SPTLC1: variants seen among roughly 807,000 people sequenced by gnomAD.
SPTLC1 encodes serine palmitoyltransferase long chain base subunit 1.
Under a neutral mutation model 68.9 loss-of-function variants are expected in SPTLC1, and 55 were observed. The observed-to-expected ratio is 0.80, with a 90% CI of 0.64 to 1.00. SPTLC1 has a LOEUF of 1.00. SPTLC1 is among the 50% of genes least tolerant of loss of function. The pLI, the probability that SPTLC1 is intolerant of heterozygous loss-of-function variation, is 0.00. For missense variants in SPTLC1, 449 were observed against 573.1 expected, an observed-to-expected ratio of 0.78 and a Z score of 2.21; for synonymous variants, 197 against 201.6, an observed-to-expected ratio of 0.98 and a Z score of 0.19.
At chr9:92,065,312 T>C (rs1834242259) in intron 6 of SPTLC1, among the ~76,000 whole-genome samples, 1 of 152,202 alleles carries the variant, frequency 6.6e-6, no homozygotes, top group Admixed American at 6.5e-5. Context: ...AAATGAAGCA[T>C]CACACAGTGT....
At chr9:92,106,146 C>T (rs879449550) in intron 3 of SPTLC1, among the ~76,000 whole-genome samples, 2 of 152,158 alleles carry the variant, frequency 1.3e-5, no homozygotes, top group Non-Finnish European at 2.9e-5. Context: ...AAGTGAGGAG[C>T]GTCTCTGCCC....
chr9:92,063,336 T>C (rs1259466418), intron 6 of SPTLC1, among the ~76,000 whole-genome samples: 1 of 152,142 alleles, frequency 6.6e-6, no homozygotes, highest in East Asian at 1.9e-4. Context: ...ATAATTTGAA[T>C]AGCCTGATAA....
intron 1 of SPTLC1, among the ~76,000 whole-genome samples, chr9:92,113,521 G>C (rs1836319299): frequency 6.6e-6 from 1 of 152,230 alleles, no homozygotes; most frequent in African/African-American, 2.4e-5. Flanking sequence ...CTGTTGGACA[G>C]TTTCGGGGAA....
rs1401868200 is a variant in SPTLC1 at position 92,080,921 on chromosome 9, T to C, written c.303A>G (p.Ile101Met). ...CAAGAAAATTAAATGAGGCGAAGTTTATACATTCTTTTCCATTCACCACAG... is the reference window on the plus strand; with the variant it reads ...CAAGAAAATTAAATGAGGCGAAGTTCATACATTCTTTTCCATTCACCACAG... ...HKTVVNGKEC[I>M]NFASFNFLGL... Residue 101 changes from isoleucine (I) to methionine (M), a missense_variant, in exon 4 of 15, where the codon ATA becomes ATG. Transcript: ENST00000262554. The C allele has an allele frequency of 1.2e-6, 2 of 1,614,210 alleles. No homozygotes were observed. The highest frequency in any genetic ancestry group is 8.5e-7 in the Non-Finnish European group (1 of 1,180,028).
chr9:92,083,716 C>T (rs1369269043), intron 3 of SPTLC1, among the ~76,000 whole-genome samples: 6 of 151,876 alleles, frequency 4.0e-5, no homozygotes, highest in South Asian at 2.1e-4. Flanking sequence ...ATTGACTTGG[C>T]GATGTGGGCT....
chr9:92,037,003 T>A (rs1012659731), intron 13 of SPTLC1, among the ~76,000 whole-genome samples: 1 of 152,236 alleles, frequency 6.6e-6, no homozygotes, highest in African/African-American at 2.4e-5. Flanking sequence ...CTTAGGAAGC[T>A]CAGATCCTGG....
intron 3 of SPTLC1, among the ~76,000 whole-genome samples, chr9:92,098,202 G>A (rs1234813997): frequency 2.0e-5 from 3 of 152,094 alleles, no homozygotes; most frequent in Admixed American, 6.5e-5. Context: ...CCCTGACTCA[G>A]CATTTCCGGG....
intron 6 of SPTLC1, among the ~76,000 whole-genome samples, chr9:92,060,989 CAG>C (rs1411710474): frequency 5.3e-5 from 8 of 151,010 alleles, no homozygotes; most frequent in African/African-American, 1.9e-4. Flanking sequence ...AAGAAATGAA[CAG>C]AGTCTCAGGG....
At chr9:92,079,014 C>T (rs1834780595) in intron 5 of SPTLC1, 3 of 961,782 alleles carry the variant, frequency 3.1e-6, no homozygotes, top group Non-Finnish European at 1.2e-6. Flanking sequence ...TCTACTTTCC[C>T]CACACTGTGT....
chr9:92,079,223 C>A lies in SPTLC1; in HGVS notation c.427+793G>T, dbSNP rs538233524. 8 of 424,944 alleles carry A rather than the reference C, an allele frequency of 1.9e-5. No individual in the cohort carries two copies. In the South Asian group the frequency reaches 2.5e-4, roughly 13 times the overall value. 26.3% of individuals were successfully genotyped at this position (424,944 alleles called of 1,614,324 possible). A position where few individuals can be genotyped will look rare whatever the true frequency, so the allele number is the denominator to read the frequency against. ...CCCACGTAGCTGGGATTACAGGTAT[C>A]CACCACCACGCCCAGCTAATTTTTG... On this transcript the variant is annotated intron_variant, in intron 5 of 14. Transcript: ENST00000262554.
At chr9:92,098,013 CACTGAATGTAAT>C in intron 3 of SPTLC1, among the ~76,000 whole-genome samples, 1 of 152,150 alleles carries the variant, frequency 6.6e-6, no homozygotes, top group Middle Eastern at 3.2e-3. Flanking sequence ...AGAAAAGTAA[CACTGAATGTAAT>C]CTGATTGGAC....
At chr9:92,044,956 C>T (rs949475750) in intron 12 of SPTLC1, among the ~76,000 whole-genome samples, 2 of 152,170 alleles carry the variant, frequency 1.3e-5, no homozygotes, top group African/African-American at 4.8e-5. Flanking sequence ...GAGTGAAAGG[C>T]ATGTAAGGCT....
chr9:92,078,602 G>A (rs768329287), intron 5 of SPTLC1, among the ~76,000 whole-genome samples: 2 of 152,206 alleles, frequency 1.3e-5, no homozygotes, highest in Non-Finnish European at 2.9e-5. Flanking sequence ...GGGACTACAG[G>A]TTCACGCTAG....
At chr9:92,098,929 G>T (rs1835643067) in intron 3 of SPTLC1, among the ~76,000 whole-genome samples, 2 of 152,142 alleles carry the variant, frequency 1.3e-5, no homozygotes, top group Admixed American at 1.3e-4. Flanking sequence ...ACTAACGTGT[G>T]AACATTCTGA....
At chr9:92,105,017 C>T (rs975406646) in intron 3 of SPTLC1, 6 of 1,522,154 alleles carry the variant, frequency 3.9e-6, no homozygotes, top group Non-Finnish European at 5.3e-6. Context: ...CTCCCTGTGG[C>T]CAGAGAAGGC....
intron 3 of SPTLC1, 82 bp from the exon 4 acceptor site, chr9:92,081,045 A>G: frequency 9.5e-7 from 1 of 1,049,024 alleles, no homozygotes; most frequent in East Asian, 2.4e-5. Flanking sequence ...AGGCACAACA[A>G]CATAGTGTTG....
At chr9:92,090,797 C>A (rs991048102) in intron 3 of SPTLC1, among the ~76,000 whole-genome samples, 1 of 152,072 alleles carries the variant, frequency 6.6e-6, no homozygotes, top group African/African-American at 2.4e-5. Flanking sequence ...GCTGCTCCTG[C>A]AACTAGGTGT....
At chr9:92,032,655 T>A in intron 14 of SPTLC1, 97 bp from the exon 15 acceptor site, 1 of 1,500,918 alleles carries the variant, frequency 6.7e-7, no homozygotes, top group Non-Finnish European at 9.2e-7. Context: ...GGCAGGTGGA[T>A]CACGAGGTCA....
intron 6 of SPTLC1, among the ~76,000 whole-genome samples, chr9:92,067,517 A>T (rs752542654): frequency 2.2e-4 from 33 of 152,318 alleles, no homozygotes; most frequent in Admixed American, 5.9e-4. Flanking sequence ...GAGTGTGAAG[A>T]TCCACTTGTG....
Sources: allele counts gnomAD v4.1 joint callset (sites outside exome capture counted in the v4.1 genomes callset), GRCh38; gene constraint gnomAD v4.1.1; transcripts MANE v1.5; gene names NCBI Gene and HGNC (gene_info 2026-07-23, HGNC 2026-07-21).